The following NLGN4Y variants were observed in gnomAD, a reference collection of about 807,000 sequenced individuals.
The protein encoded by NLGN4Y is neuroligin-4, Y-linked.
In NLGN4Y, 4 loss-of-function variants were observed where a neutral mutation model predicts 8.4. The observed-to-expected ratio is 0.48, with a 90% confidence interval of 0.23 to 1.09. The LOEUF (loss-of-function observed/expected upper bound fraction) is 1.09. Among genes scored for constraint, NLGN4Y ranks in the 50% least tolerant of loss-of-function variants. The pLI is 0.19. For missense variants in NLGN4Y, 90 were observed against 192.3 expected (o/e 0.47, Z 3.15); for synonymous variants, 35 against 75.6 (o/e 0.46, Z 2.78).
At chrY:14,781,631 T>G in intron 4 of NLGN4Y, among the ~76,000 whole-genome samples, 1 of 33,585 alleles carries the variant, frequency 3.0e-5, no homozygotes, top group African/African-American at 1.2e-4. Context: ...AAAGCATGTA[T>G]CATGCCTCCC....
intron 2 of NLGN4Y, among the ~76,000 whole-genome samples, chrY:14,685,772 G>A (rs2080787377): frequency 3.0e-5 from 1 of 33,241 alleles, no homozygotes; most frequent in Non-Finnish European, 7.5e-5. Flanking sequence ...TGTTTTCTTG[G>A]TAGTTGGATG....
At chrY:14,673,051 G>A (rs1603502454) in intron 2 of NLGN4Y, among the ~76,000 whole-genome samples, 1 of 26,423 alleles carries the variant, frequency 3.8e-5, no homozygotes, top group Admixed American at 3.6e-4. Flanking sequence ...AGACTTAAAC[G>A]TTAGACCTAA....
At chrY:14,734,288 C>G in intron 4 of NLGN4Y, among the ~76,000 whole-genome samples, 2 of 33,454 alleles carry the variant, frequency 6.0e-5, no homozygotes, top group Admixed American at 2.7e-4. Flanking sequence ...CTGTTTATGC[C>G]TAGAGTTTTT....
chrY:14,801,804 C>T (rs2043034059), intron 4 of NLGN4Y, among the ~76,000 whole-genome samples: 1 of 32,527 alleles, frequency 3.1e-5, no homozygotes, highest in African/African-American at 1.2e-4. Context: ...TTACGTGTGG[C>T]GGTACCCTTC....
Position 14,844,224 on chromosome Y carries a change from G to A in NLGN4Y, c.*2962G>A. 1.3e-5 allele frequency: 1 copy of A among 79,780 alleles called. No individual in the cohort carries two copies. Among genetic ancestry groups the A allele is most frequent in the Non-Finnish European group, 2.7e-5 (1 of 37,196 alleles). The allele number at this position is 79,780 out of a possible 400,897, so 19.9% of individuals were successfully genotyped here. A position where few individuals can be genotyped will look rare whatever the true frequency, so the allele number is the denominator to read the frequency against. On this transcript the variant is annotated 3_prime_UTR_variant, in exon 7 of 7. Coordinates refer to ENST00000684976, the MANE Select transcript of NLGN4Y (RefSeq NM_001365588.1). ...GACACTGCCTGAAAATGAGTATTTG[G>A]TTGTGTTATTTCTACCACTGTTCAT...
chrY:14,579,849 T>A, intron 1 of NLGN4Y, among the ~76,000 whole-genome samples: 1 of 32,342 alleles, frequency 3.1e-5, no homozygotes, highest in Non-Finnish European at 7.5e-5. Flanking sequence ...ATCAAGAAGA[T>A]ATTTGAAGGA....
At chrY:14,602,160 G>A in intron 1 of NLGN4Y, among the ~76,000 whole-genome samples, 1 of 33,526 alleles carries the variant, frequency 3.0e-5, no homozygotes, top group Non-Finnish European at 7.4e-5. Flanking sequence ...TAATCATGGA[G>A]AAATAGATTT....
chrY:14,647,384 T>C, intron 2 of NLGN4Y, among the ~76,000 whole-genome samples: 1 of 34,135 alleles, frequency 2.9e-5, no homozygotes, highest in African/African-American at 1.1e-4. Flanking sequence ...GTAAACCTAT[T>C]GGTAGATAAA....
intron 2 of NLGN4Y, among the ~76,000 whole-genome samples, chrY:14,659,928 C>A (rs2080668097): frequency 3.0e-5 from 1 of 33,086 alleles, no homozygotes; most frequent in East Asian, 8.1e-4. Flanking sequence ...TAGGTGCATG[C>A]TACCATGTAT....
intron 4 of NLGN4Y, among the ~76,000 whole-genome samples, chrY:14,725,225 A>G (rs1603503249): frequency 3.0e-5 from 1 of 33,411 alleles, no homozygotes; most frequent in African/African-American, 1.2e-4. Context: ...CTTGCTTTCT[A>G]CTTACTAGGC....
chrY:14,564,304 G>A (rs2080244001), intron 1 of NLGN4Y, among the ~76,000 whole-genome samples: 1 of 32,913 alleles, frequency 3.0e-5, no homozygotes, highest in Non-Finnish European at 7.4e-5. Context: ...GAGGGGGGCC[G>A]AAGCCAGGGA....
intron 1 of NLGN4Y, among the ~76,000 whole-genome samples, chrY:14,574,724 G>T (rs2080290124): frequency 3.0e-5 from 1 of 33,405 alleles, no homozygotes; most frequent in Non-Finnish European, 7.4e-5. Flanking sequence ...TGCAGTGGCT[G>T]GTACCAGTTG....
At chrY:14,782,032 G>A (rs2042945432) in intron 4 of NLGN4Y, among the ~76,000 whole-genome samples, 1 of 33,088 alleles carries the variant, frequency 3.0e-5, no homozygotes, top group Non-Finnish European at 7.4e-5. Flanking sequence ...GAAGGGAACC[G>A]TGGGAATAAA....
intron 2 of NLGN4Y, among the ~76,000 whole-genome samples, chrY:14,689,126 A>C (rs2080801408): frequency 3.2e-5 from 1 of 30,995 alleles, no homozygotes; most frequent in African/African-American, 1.3e-4. Flanking sequence ...TTCAAGGTTC[A>C]CTAAGGGTTG....
intron 1 of NLGN4Y, among the ~76,000 whole-genome samples, chrY:14,613,753 G>A: frequency 3.0e-5 from 1 of 33,598 alleles, no homozygotes; most frequent in Admixed American, 2.7e-4. Flanking sequence ...CTACGTCCCT[G>A]CAAAGGACAT....
intron 5 of NLGN4Y, among the ~76,000 whole-genome samples, chrY:14,825,491 C>T: frequency 3.2e-5 from 1 of 30,898 alleles, no homozygotes; most frequent in Non-Finnish European, 7.8e-5. Context: ...CACTTCCCCC[C>T]CTTCACACTC....
intron 4 of NLGN4Y, among the ~76,000 whole-genome samples, chrY:14,807,670 A>T: frequency 3.0e-5 from 1 of 33,664 alleles, no homozygotes; most frequent in Non-Finnish European, 7.4e-5. Context: ...ATTTTTCATA[A>T]ATTTTATAGT....
intron 2 of NLGN4Y, among the ~76,000 whole-genome samples, chrY:14,680,779 G>A (rs959883630): frequency 3.0e-5 from 1 of 33,103 alleles, no homozygotes. Flanking sequence ...TATTAAATTG[G>A]GAAGGTTGTC....
chrY:14,723,435 C>A, intron 4 of NLGN4Y, among the ~76,000 whole-genome samples, 166 bp downstream of exon 4: 3 of 33,382 alleles, frequency 9.0e-5, no homozygotes, highest in African/African-American at 3.5e-4. Context: ...CTTTTATTAC[C>A]TTCATGCAAC....
Sources: allele counts gnomAD v4.1 joint callset (sites outside exome capture counted in the v4.1 genomes callset), GRCh38; gene constraint gnomAD v4.1.1; transcripts MANE v1.5; gene names NCBI Gene and HGNC (gene_info 2026-07-23, HGNC 2026-07-21).